The following JAKMIP3 variants were observed in gnomAD, a reference collection of about 807,000 sequenced individuals.
The protein encoded by JAKMIP3 is janus kinase and microtubule-interacting protein 3.
In JAKMIP3, 58 loss-of-function variants were observed where a neutral mutation model predicts 118.5. That is an observed-to-expected ratio of 0.49 (90% CI 0.40 to 0.61). The LOEUF (loss-of-function observed/expected upper bound fraction) is 0.61, where lower values mean the gene tolerates loss of function less well. JAKMIP3 is among the 20% of genes least tolerant of loss of function. The probability of loss-of-function intolerance (pLI) is 0.00; values close to 1 mark genes in which losing one functional copy is unlikely to be tolerated. For missense variants in JAKMIP3, 950 were observed against 1,109.0 expected, an observed-to-expected ratio of 0.86 and a Z score of 2.04; for synonymous variants, 486 against 451.2, an observed-to-expected ratio of 1.08 and a Z score of -0.98.
At chr10:132,042,925 C>CAAA (rs781693693) in intron 1 of JAKMIP3, among the ~76,000 whole-genome samples, 3 of 27,660 alleles carry the variant, frequency 1.1e-4, no homozygotes, top group African/African-American at 5.5e-4. Context: ...CCCCATGTCT[C>CAAA]AAAAAAAAAA....
In JAKMIP3 at chr10:132,112,370, G is replaced by A. The variant is rs1414396728; in HGVS notation, c.136-4707G>A. On this transcript the variant is annotated intron_variant, in intron 2 of 23. Coordinates refer to ENST00000684848, the MANE Select transcript of JAKMIP3 (RefSeq NM_001323087.2). This position sits in a 1 kb window ranked among gnomAD's most constrained non-coding sequence, Gnocchi z 4.3. Reference sequence around the variant, plus strand: ...GGGACCTGCCCTGGGCACTCGGCTCGTCAGCTGGGAAGCCCAGAGAGGGCA... The same window carrying A: ...GGGACCTGCCCTGGGCACTCGGCTCATCAGCTGGGAAGCCCAGAGAGGGCA... 2.6e-5 allele frequency among the ~76,000 whole-genome samples: 4 copies of A among 152,138 alleles called. No homozygotes were observed. The highest frequency in any genetic ancestry group is 4.8e-5 in the African/African-American group (2 of 41,418).
chr10:132,068,862 C>T (rs1054435062), intron 1 of JAKMIP3, among the ~76,000 whole-genome samples: 10 of 152,256 alleles, frequency 6.6e-5, no homozygotes, highest in East Asian at 5.8e-4. Context: ...TCATGGGAAA[C>T]CCTCTCCTTG....
intron 1 of JAKMIP3, among the ~76,000 whole-genome samples, chr10:132,099,133 C>T (rs535454895): frequency 3.3e-5 from 5 of 152,186 alleles, no homozygotes; most frequent in East Asian, 1.9e-4. Context: ...TCCTCTGCAT[C>T]GCGTGGTGGT....
At chr10:132,094,960 G>A (rs1044274242) in intron 1 of JAKMIP3, among the ~76,000 whole-genome samples, 3 of 152,096 alleles carry the variant, frequency 2.0e-5, no homozygotes, top group Non-Finnish European at 2.9e-5. Flanking sequence ...GTGTACCTAC[G>A]AGAATTATGG....
At chr10:132,045,728 A>C (rs1314544949) in intron 1 of JAKMIP3, among the ~76,000 whole-genome samples, 1 of 152,134 alleles carries the variant, frequency 6.6e-6, no homozygotes, top group Non-Finnish European at 1.5e-5. Flanking sequence ...CAGGAGTTCC[A>C]GACGATATTG....
chr10:132,068,516 C>T (rs1417305175), intron 1 of JAKMIP3, among the ~76,000 whole-genome samples: 1 of 151,860 alleles, frequency 6.6e-6, no homozygotes, highest in African/African-American at 2.4e-5. Context: ...ACCTCTTGGG[C>T]AGGTGTTTCT....
chr10:132,070,638 C>T (rs764877532), intron 1 of JAKMIP3, among the ~76,000 whole-genome samples: 32 of 152,184 alleles, frequency 2.1e-4, no homozygotes, highest in Non-Finnish European at 3.7e-4. Context: ...GGGAGTCCAG[C>T]TTCCGAAACA....
chr10:132,065,131 C>T (rs923619375), upstream of JAKMIP3, among the ~76,000 whole-genome samples: 4 of 152,108 alleles, frequency 2.6e-5, no homozygotes, highest in Non-Finnish European at 4.4e-5. The surrounding 1 kb of genome is among the most constrained non-coding windows in gnomAD (Gnocchi z 5.6). Context: ...CCACCCGCAC[C>T]GGCAGCCCTC....
intron 3 of JAKMIP3, among the ~76,000 whole-genome samples, chr10:132,122,188 G>A (rs546815591): frequency 5.6e-4 from 86 of 152,290 alleles, no homozygotes; most frequent in African/African-American, 1.9e-3. Flanking sequence ...CCCCCTGGTC[G>A]GCTCCCCGGC....
chr10:132,038,311 C>T (rs1050011874), intron 1 of JAKMIP3, among the ~76,000 whole-genome samples: 10 of 152,128 alleles, frequency 6.6e-5, no homozygotes, highest in Admixed American at 1.3e-4. Context: ...CCAGGTGCCC[C>T]GAGGGAGCCC....
Position 132,142,068 on chromosome 10 carries a change from C to CGT in JAKMIP3, c.1602+21_1602+22insTG, listed in dbSNP as rs770257974. ...GTTAAGGTCTACGTGACTTCCACCG[C>CGT]GCGTTCCGGCCCCCCTCGTGCCTTC... On this transcript the variant is annotated intron_variant, in intron 11 of 23. Transcript: ENST00000684848. The CGT allele has an allele frequency of 1.1e-5, 17 of 1,593,190 alleles. No individual in the cohort carries two copies. Among genetic ancestry groups the CGT allele is most frequent in the East Asian group, 4.5e-5 (2 of 44,218 alleles).
At chr10:132,164,908 G>A (rs187299483) in intron 21 of JAKMIP3, among the ~76,000 whole-genome samples, 173 bp downstream of exon 21, 2 of 134,234 alleles carry the variant, frequency 1.5e-5, no homozygotes, top group East Asian at 2.0e-4. Flanking sequence ...TGAGCTGGGC[G>A]GAGCTGAGCT....
chr10:132,075,545 G>A (rs1436714896), intron 1 of JAKMIP3, among the ~76,000 whole-genome samples: 2 of 151,900 alleles, frequency 1.3e-5, no homozygotes, highest in Non-Finnish European at 1.5e-5. Flanking sequence ...GAGTAGCTGG[G>A]ATTACAGGCA....
At chr10:132,042,183 G>A (rs4880306) in intron 1 of JAKMIP3, among the ~76,000 whole-genome samples, 2 of 19,602 alleles carry the variant, frequency 1.0e-4, no homozygotes, top group African/African-American at 1.4e-4. Flanking sequence ...TTGCTCGCTC[G>A]CTCCTTCCTT....
At chr10:132,055,519 G>A (rs11813033) in intron 1 of JAKMIP3, among the ~76,000 whole-genome samples, 10,607 of 152,186 alleles carry the variant, frequency 0.07, 380 homozygotes, top group African/African-American at 0.083. Context: ...CAAGAAGCCC[G>A]CAGGCCATGA....
intron 23 of JAKMIP3, chr10:132,170,372 C>G (rs1260879938): frequency 6.6e-6 from 1 of 152,342 alleles, no homozygotes; most frequent in Non-Finnish European, 1.5e-5. Flanking sequence ...AACCTCCCCG[C>G]GGAGGCTTCC....
rs2058543867 is a variant in JAKMIP3, at chr10:132,163,219, A to G, written c.2231A>G (p.Glu744Gly). 1.6e-5 allele frequency: 25 copies of G among 1,560,042 alleles called. No individual in the cohort carries two copies. Among genetic ancestry groups the G allele is most frequent in the Non-Finnish European group, 2.2e-5 (25 of 1,152,372 alleles). ...CCCCTTCCGCCCCAGCACATCCTGG[A>G]GCTGGAAGCCATGCTGTATGATGCC... ...ALDQANKHIL[E>G]LEAMLYDALQ... The change falls in exon 20 of 24, where the codon GAG becomes GGG. Residue 744 changes from glutamate to glycine, a missense_variant. Coordinates refer to ENST00000684848, the MANE Select transcript of JAKMIP3 (RefSeq NM_001323087.2).
chr10:132,158,601 G>T (rs140896579), intron 19 of JAKMIP3, among the ~76,000 whole-genome samples: 198 of 152,338 alleles, frequency 1.3e-3, no homozygotes, highest in Admixed American at 1.9e-3. Context: ...GGGACTGGGG[G>T]CATCCTCCTG....
intron 1 of JAKMIP3, among the ~76,000 whole-genome samples, chr10:132,098,276 A>G (rs2044303569): frequency 6.6e-6 from 1 of 151,962 alleles, no homozygotes; most frequent in African/African-American, 2.4e-5. Flanking sequence ...CTCCCACCTT[A>G]GCCTCTTAAG....
Sources: gnomAD v4.1 joint callset for allele counts (sites outside exome capture counted in the v4.1 genomes callset) on GRCh38, gnomAD v4.1.1 for gene constraint, Gnocchi (gnomAD v3.1) non-coding constraint, MANE v1.5 for transcripts, NCBI Gene and HGNC (gene_info 2026-07-23, HGNC 2026-07-21) for gene names.